The following NDUFS7 variants were observed in gnomAD, a reference collection of about 807,000 sequenced individuals.
NDUFS7 encodes NADH:ubiquinone oxidoreductase core subunit S7, also known as NADH dehydrogenase [ubiquinone] iron-sulfur protein 7, mitochondrial.
NDUFS7 carries 11 observed loss-of-function variants against 31.1 expected under a neutral mutation model. The observed-to-expected ratio is 0.35, with a 90% CI of 0.22 to 0.59. The LOEUF is 0.59. NDUFS7 is among the 20% of genes least tolerant of loss of function. NDUFS7 has a pLI of 0.79. For synonymous variants in NDUFS7, 136 were observed against 127.9 expected (o/e 1.06, Z -0.43); for missense variants, 263 against 324.2 (o/e 0.81, Z 1.45).
At chr19:1,387,678 C>T (rs1026004928) in intron 1 of NDUFS7, 133 bp from the exon 2 acceptor site, 14 of 781,654 alleles carry the variant, frequency 1.8e-5, no homozygotes, top group African/African-American at 1.2e-4. Context: ...CGTTACCTAA[C>T]GTTTGTTAAG....
intron 2 of NDUFS7, chr19:1,388,199 G>A (rs2082522612): frequency 1.0e-5 from 6 of 585,926 alleles, no homozygotes; most frequent in South Asian, 2.0e-5. Flanking sequence ...CGGTGAGGGC[G>A]CATGCCCAGG....
chr19:1,387,633 G>C (rs1400409203), intron 1 of NDUFS7, 178 bp from the exon 2 acceptor site: 2 of 651,604 alleles, frequency 3.1e-6, no homozygotes, highest in African/African-American at 1.8e-5. Flanking sequence ...TCTCAAGCAG[G>C]GGACTAAGAC....
At chr19:1,389,333 A>C in intron 4 of NDUFS7, 1 of 490,088 alleles carries the variant, frequency 2.0e-6, no homozygotes, top group Non-Finnish European at 4.0e-6. Flanking sequence ...ACACTCACAC[A>C]CATGCACACA....
intron 4 of NDUFS7, 62 bp downstream of exon 4, chr19:1,389,000 A>G (rs775589766): frequency 5.4e-6 from 7 of 1,285,980 alleles, no homozygotes; most frequent in Non-Finnish European, 7.7e-6. Context: ...ACTCACAGGC[A>G]CACACATACA....
At position 1,391,115 on chromosome 19, in the gene NDUFS7, C is replaced by T. The variant is rs1393527980; in HGVS notation, c.409-4C>T. 6.2e-7 allele frequency: 1 copy of T among 1,612,916 alleles called. No individual in the cohort carries two copies. The highest frequency in any genetic ancestry group is 8.5e-7 in the Non-Finnish European group (1 of 1,179,658). ...GCTGCGCACGGACCCCGCCTCTCTT[C>T]CAGGTCTACGACCAGATGCCGGAGC... On this transcript the variant is annotated splice_polypyrimidine_tract_variant and splice_region_variant and intron_variant, in intron 5 of 7. Transcript: ENST00000233627.
intron 7 of NDUFS7, chr19:1,394,288 C>T (rs2082577295): frequency 8.5e-7 from 1 of 1,173,318 alleles, no homozygotes; most frequent in East Asian, 5.8e-5. Flanking sequence ...CTGGGCCTCC[C>T]TGTGACTTGA....
Position 1,393,606 on chromosome 19 carries a change from C to T in NDUFS7, c.544+276C>T, listed in dbSNP as rs145294206. The T allele has an allele frequency of 5.8e-4, 354 of 608,596 alleles. No homozygotes were observed. The African/African-American group carries it at 6.2e-3, about 11-fold the overall frequency. The allele number at this position is 608,596 out of a possible 1,614,324, so 37.7% of individuals were successfully genotyped here. On this transcript the variant is annotated intron_variant, in intron 7 of 7. Coordinates refer to ENST00000233627, the MANE Select transcript of NDUFS7 (RefSeq NM_024407.5). This position sits in a 1 kb window ranked among gnomAD's most constrained non-coding sequence, Gnocchi z 7.3. ...TTTACAGCAGTTTCATATGGTCCTA[C>T]CTGGCACAAACCAAAGACCTGCAGT...
In NDUFS7 at chr19:1,390,867, G is replaced by T; in HGVS notation, c.229-4G>T. ...GGCGTCTGACCCGAGCCCGGCCTCCGCAGAGTTCTCTGTGGCCCATGACCT... is the reference window on the plus strand; with the variant it reads ...GGCGTCTGACCCGAGCCCGGCCTCCTCAGAGTTCTCTGTGGCCCATGACCT... On this transcript the variant is annotated splice_polypyrimidine_tract_variant and splice_region_variant and intron_variant, in intron 4 of 7. Transcript: ENST00000233627. 6.2e-7 allele frequency: 1 copy of T among 1,607,174 alleles called. No homozygotes were observed.
intron 6 of NDUFS7, chr19:1,391,749 C>CT (rs1305571672): frequency 6.3e-6 from 1 of 158,800 alleles, no homozygotes; most frequent in Non-Finnish European, 1.4e-5. Flanking sequence ...TCCCAAAGTG[C>CT]TGGGATTATA....
chr19:1,393,068 C>T lies in NDUFS7; in HGVS notation c.456-174C>T. On this transcript the variant is annotated intron_variant, in intron 6 of 7. Transcript: ENST00000233627. This position sits in a 1 kb window ranked among gnomAD's most constrained non-coding sequence, Gnocchi z 7.3. Reference sequence around the variant, plus strand: ...GTGTGAGCTTGCGCCCCACTGGTCCCACAGAGGCTCTGGGAGCCTGTGCGT... The same window carrying T: ...GTGTGAGCTTGCGCCCCACTGGTCCTACAGAGGCTCTGGGAGCCTGTGCGT... 1 of 634,750 alleles carries T rather than the reference C, an allele frequency of 1.6e-6. No homozygotes were observed. The highest frequency in any genetic ancestry group is 2.9e-6 in the Non-Finnish European group (1 of 350,360). The allele number at this position is 634,750 out of a possible 1,614,324, so 39.3% of individuals were successfully genotyped here. A position where few individuals can be genotyped will look rare whatever the true frequency, so the allele number is the denominator to read the frequency against.
At position 1,387,834 on chromosome 19, in the gene NDUFS7, A is replaced by G; in HGVS notation, c.40A>G (p.Ile14Val). 1 of 1,591,694 alleles carries G rather than the reference A, an allele frequency of 6.3e-7. No homozygotes were observed. ...LSAPGLRGFR[I>V]LGLRSSVGPA... Reference sequence around the variant, plus strand: ...AGCTCCTGGCCTGCGCGGCTTCCGGATCCTTGGTCTGCGGTGAGTGCCTGA... The same window carrying G: ...AGCTCCTGGCCTGCGCGGCTTCCGGGTCCTTGGTCTGCGGTGAGTGCCTGA... Residue 14 changes from isoleucine (I) to valine (V), a missense_variant, in exon 2 of 8, where the codon ATC becomes GTC. Ile to Val is a conservative substitution (Grantham distance 29, BLOSUM62 3). Coordinates refer to ENST00000233627, the MANE Select transcript of NDUFS7 (RefSeq NM_024407.5).
In NDUFS7 at chr19:1,387,911, CGG is replaced by C. The variant is rs1214096751; in HGVS notation, c.53+71_53+72del. On this transcript the variant is annotated intron_variant, in intron 2 of 7. Transcript: ENST00000233627. ...CTTCAGCAGCGACAGACGAACGGGG[CGG>C]GGGGGGTGGGGGGTGGGGGGAGCGC... The C allele has an allele frequency of 4.0e-4, 51 of 129,006 alleles. 3 individuals carry two copies. Among genetic ancestry groups the C allele is most frequent in the African/African-American group, 3.0e-3 (11 of 3,618 alleles). The allele number at this position is 129,006 out of a possible 1,614,324, so 8.0% of individuals were successfully genotyped here.
At chr19:1,389,223 A>C (rs1168791803) in intron 4 of NDUFS7, 1 of 670,106 alleles carries the variant, frequency 1.5e-6, no homozygotes. Flanking sequence ...ACATACACAC[A>C]TGCACACTTG....
rs562790553 is a variant in NDUFS7, at chr19:1,389,173, A to G, written c.228+235A>G. 46 of 694,072 alleles carry G rather than the reference A, an allele frequency of 6.6e-5. No individual in the cohort carries two copies. In the East Asian group the frequency reaches 1.1e-3, roughly 17 times the overall value. 43.0% of individuals were successfully genotyped at this position (694,072 alleles called of 1,614,324 possible). On this transcript the variant is annotated intron_variant, in intron 4 of 7. Transcript: ENST00000233627. ...CACTCGCACACATGCACACTTGCACACACATGCACACACAAGCACATGTGC... is the reference window on the plus strand; with the variant it reads ...CACTCGCACACATGCACACTTGCACGCACATGCACACACAAGCACATGTGC...
chr19:1,389,157 A>G lies in NDUFS7; in HGVS notation c.228+219A>G, dbSNP rs558658354. ...ACAATGCACATATGCACACTCGCAC[A>G]CATGCACACTTGCACACACATGCAC... is the stretch of plus-strand genomic sequence containing the variant. On this transcript the variant is annotated intron_variant, in intron 4 of 7. Transcript: ENST00000233627. 404 of 700,140 alleles carry G rather than the reference A, an allele frequency of 5.8e-4. 6 individuals carry two copies. The Middle Eastern group carries it at 0.017, about 29-fold the overall frequency. 43.4% of individuals were successfully genotyped at this position (700,140 alleles called of 1,614,324 possible). A position where few individuals can be genotyped will look rare whatever the true frequency, so the allele number is the denominator to read the frequency against.
At chr19:1,395,153 C>T (rs139246387) in intron 7 of NDUFS7, 51 of 1,407,216 alleles carry the variant, frequency 3.6e-5, no homozygotes, top group East Asian at 2.4e-4. Context: ...TGTGACAGCC[C>T]GGGATGAGCC....
intron 3 of NDUFS7, 93 bp downstream of exon 3, chr19:1,388,686 A>T (rs779890539): frequency 6.8e-7 from 1 of 1,462,864 alleles, no homozygotes; most frequent in Non-Finnish European, 9.4e-7. Context: ...ACTGAGGTGC[A>T]TGGATGGGGC....
intron 1 of NDUFS7, among the ~76,000 whole-genome samples, chr19:1,386,062 G>C (rs1254015115): frequency 6.6e-6 from 1 of 152,176 alleles, no homozygotes; most frequent in Non-Finnish European, 1.5e-5. Context: ...GTCCTTCAGA[G>C]AGTTGTGGCC....
chr19:1,394,242 G>A (rs547176692), intron 7 of NDUFS7: 14 of 617,336 alleles, frequency 2.3e-5, no homozygotes, highest in African/African-American at 3.8e-5. Context: ...CGTTCTGCAC[G>A]GTTCAGGTCA....
Sources: allele counts gnomAD v4.1 joint callset (sites outside exome capture counted in the v4.1 genomes callset), GRCh38; gene constraint gnomAD v4.1.1; non-coding constraint Gnocchi (gnomAD v3.1); transcripts MANE v1.5; gene names NCBI Gene and HGNC (gene_info 2026-07-23, HGNC 2026-07-21).